Variants in BACH2 observed in about 807,000 individuals in gnomAD.
BACH2 encodes BACH transcriptional regulator 2, also known as transcription regulator protein BACH2.
A neutral mutation model predicts 61.8 loss-of-function variants in BACH2; 5 were observed. That is an observed-to-expected ratio of 0.08 (90% confidence interval 0.04 to 0.17). The LOEUF is 0.17. BACH2 is among the 10% of genes least tolerant of loss of function. The pLI, the probability that BACH2 is intolerant of heterozygous loss-of-function variation, is 1.00. For missense variants in BACH2, 824 were observed against 1,091.1 expected (o/e 0.76, Z 3.45); for synonymous variants, 446 against 440.1 (o/e 1.01, Z -0.17).
chr6:90,269,668 G>A (rs1054355106), intron 2 of BACH2, among the ~76,000 whole-genome samples: 2 of 152,020 alleles, frequency 1.3e-5, no homozygotes, highest in African/African-American at 4.8e-5. Context: ...TTTTCATATC[G>A]GTTGGACTTT....
intron 3 of BACH2, among the ~76,000 whole-genome samples, chr6:90,207,439 T>C (rs555030088): frequency 2.0e-5 from 3 of 152,176 alleles, no homozygotes; most frequent in African/African-American, 4.8e-5. Flanking sequence ...TGTCAAATAT[T>C]AGGGGAAAAT....
intron 5 of BACH2, among the ~76,000 whole-genome samples, chr6:90,010,275 G>A (rs576799743): frequency 4.6e-5 from 7 of 152,140 alleles, no homozygotes; most frequent in East Asian, 3.9e-4. Context: ...GTACCCCACC[G>A]CTACAACGAC....
At chr6:90,015,859 G>T (rs954735051) in intron 5 of BACH2, among the ~76,000 whole-genome samples, 5 of 152,188 alleles carry the variant, frequency 3.3e-5, no homozygotes, top group African/African-American at 1.2e-4. Flanking sequence ...TTGAGAAGGA[G>T]TACTAAAACT....
At chr6:90,256,258 C>A (rs1432637611) in intron 2 of BACH2, among the ~76,000 whole-genome samples, 1 of 152,320 alleles carries the variant, frequency 6.6e-6, no homozygotes, top group African/African-American at 2.4e-5. Context: ...TTTCCAGCCT[C>A]CTTTGCAGCT....
intron 2 of BACH2, among the ~76,000 whole-genome samples, chr6:90,259,022 T>G (rs962320206): frequency 6.6e-6 from 1 of 152,172 alleles, no homozygotes; most frequent in Non-Finnish European, 1.5e-5. Flanking sequence ...CAAATAGAGA[T>G]AACTTTACTT....
chr6:89,944,632 A>G (rs960426949), intron 7 of BACH2, among the ~76,000 whole-genome samples: 1 of 152,072 alleles, frequency 6.6e-6, no homozygotes, highest in African/African-American at 2.4e-5. Flanking sequence ...TGGCTCTTCT[A>G]TTCTGTACCA....
At chr6:90,031,382 G>A (rs1042277689) in intron 5 of BACH2, among the ~76,000 whole-genome samples, 1 of 151,984 alleles carries the variant, frequency 6.6e-6, no homozygotes, top group African/African-American at 2.4e-5. Context: ...GGAAATAAAG[G>A]GTATTCAATT....
At chr6:90,124,939 T>A (rs78107468) in intron 4 of BACH2, among the ~76,000 whole-genome samples, 226 of 152,336 alleles carry the variant, frequency 1.5e-3, no homozygotes, top group Non-Finnish European at 2.1e-3. Context: ...AATTTTAACC[T>A]TTGTCTATCT....
At position 89,950,208 on chromosome 6, in the gene BACH2, A is replaced by T; in HGVS notation, c.1836+62T>A. ...AATGTGGGAGTGGTGGGGGGCAGGG[A>T]GTAGTCCAGATAAAGGGCCTAGAGA... On this transcript the variant is annotated intron_variant, in intron 7 of 8. Coordinates refer to ENST00000257749, the MANE Select transcript of BACH2 (RefSeq NM_021813.4). This position sits in a 1 kb window ranked among gnomAD's most constrained non-coding sequence, Gnocchi z 5.3. 1 of 1,569,716 alleles carries T rather than the reference A, an allele frequency of 6.4e-7. No individual in the cohort carries two copies. The highest frequency in any genetic ancestry group is 8.8e-7 in the Non-Finnish European group (1 of 1,140,172).
At chr6:90,296,292 C>G (rs1012865698) in intron 1 of BACH2, among the ~76,000 whole-genome samples, 188 bp downstream of exon 1, 2 of 151,686 alleles carry the variant, frequency 1.3e-5, no homozygotes, top group Non-Finnish European at 2.9e-5. Flanking sequence ...ACCCCCTTCC[C>G]GTTCCTAGAA....
intron 1 of BACH2, among the ~76,000 whole-genome samples, chr6:90,280,687 A>C (rs1212255151): frequency 6.6e-6 from 1 of 152,146 alleles, no homozygotes. Flanking sequence ...TTCATTTCTA[A>C]CAAGCTCCAG....
At chr6:90,166,884 C>T (rs1767640114) in intron 4 of BACH2, among the ~76,000 whole-genome samples, 1 of 140,186 alleles carries the variant, frequency 7.1e-6, no homozygotes, top group East Asian at 2.1e-4. Context: ...GGAAGGGGAA[C>T]ATCACACACC....
intron 3 of BACH2, among the ~76,000 whole-genome samples, chr6:90,211,255 G>T (rs1769338932): frequency 6.6e-6 from 1 of 151,714 alleles, no homozygotes; most frequent in South Asian, 2.1e-4. Context: ...AAGACACTCA[G>T]AGATAGGTTT....
chr6:90,216,452 T>C (rs938278006), intron 3 of BACH2, among the ~76,000 whole-genome samples: 5 of 151,570 alleles, frequency 3.3e-5, no homozygotes, highest in Admixed American at 2.6e-4. Context: ...TAATGTCGAC[T>C]TCCCTCGGCT....
At chr6:90,073,057 G>A (rs1781311806) in intron 5 of BACH2, among the ~76,000 whole-genome samples, 1 of 152,228 alleles carries the variant, frequency 6.6e-6, no homozygotes, top group African/African-American at 2.4e-5. Context: ...TACTGAGGGA[G>A]GAGGTACTAC....
intron 3 of BACH2, among the ~76,000 whole-genome samples, chr6:90,232,019 C>T (rs1414550348): frequency 1.3e-5 from 2 of 151,960 alleles, no homozygotes; most frequent in Non-Finnish European, 2.9e-5. Flanking sequence ...GAGAGAAGCC[C>T]AACCGTTATC....
At chr6:90,234,263 T>C (rs1011450218) in intron 3 of BACH2, among the ~76,000 whole-genome samples, 1 of 152,182 alleles carries the variant, frequency 6.6e-6, no homozygotes, top group Non-Finnish European at 1.5e-5. Context: ...GTGGTGCAAG[T>C]GCGGAAAAAT....
intron 4 of BACH2, among the ~76,000 whole-genome samples, chr6:90,164,398 T>C (rs58936258): frequency 0.016 from 2,491 of 151,824 alleles, 56 homozygotes; most frequent in African/African-American, 0.056. Flanking sequence ...CAATAACAGG[T>C]TCTGAAATTG....
chr6:90,161,066 G>A (rs371908037), intron 4 of BACH2, among the ~76,000 whole-genome samples: 1 of 128,116 alleles, frequency 7.8e-6, no homozygotes, highest in Admixed American at 9.5e-5. Context: ...CCAGCCTGGC[G>A]ACAGAGCGAG....
Sources: allele counts gnomAD v4.1 joint callset (sites outside exome capture counted in the v4.1 genomes callset), GRCh38; gene constraint gnomAD v4.1.1; non-coding constraint Gnocchi (gnomAD v3.1); transcripts MANE v1.5; gene names NCBI Gene and HGNC (gene_info 2026-07-23, HGNC 2026-07-21).